NRXN1: variants seen among roughly 807,000 people sequenced by gnomAD.
The protein encoded by NRXN1 is neurexin-1.
Under a neutral mutation model 150.9 loss-of-function variants are expected in NRXN1, and 39 were observed. The ratio of observed to expected loss-of-function variants is 0.26; its 90% CI spans 0.20 to 0.34. NRXN1 has a LOEUF of 0.34. NRXN1 is among the 10% of genes least tolerant of loss of function. The pLI is 1.00. For missense variants in NRXN1, 1,815 were observed against 1,949.9 expected (o/e 0.93, Z 1.30); for synonymous variants, 924 against 757.0 (o/e 1.22, Z -3.62).
intron 5 of NRXN1, among the ~76,000 whole-genome samples, chr2:50,831,903 G>T (rs371246007): frequency 6.6e-6 from 1 of 152,170 alleles, no homozygotes; most frequent in African/African-American, 2.4e-5. Context: ...GAGAAACAGC[G>T]TTCTGAGTGA....
chr2:49,923,395 GATGTA>G (rs1252562858), intron 22 of NRXN1, among the ~76,000 whole-genome samples: 4 of 152,020 alleles, frequency 2.6e-5, no homozygotes, highest in African/African-American at 9.7e-5. Context: ...TTACTTTTCA[GATGTA>G]ATGTATTAAA....
intron 18 of NRXN1, among the ~76,000 whole-genome samples, chr2:50,224,673 AAGAGAGAGAGAGAGGGAGAAAGAGAGAG>A (rs1259189781): frequency 7.1e-6 from 1 of 140,334 alleles, no homozygotes; most frequent in African/African-American, 2.7e-5. Flanking sequence ...CAGAAGATTA[AAGAGAGAGAGAGAGGGAGAAAGAGAGAG>A]AGAGAGAGAG....
intron 18 of NRXN1, among the ~76,000 whole-genome samples, chr2:50,135,560 G>T (rs1167579140): frequency 6.6e-6 from 1 of 152,108 alleles, no homozygotes; most frequent in African/African-American, 2.4e-5. Context: ...GCATGGTGGC[G>T]GGCGCCTGTA....
At chr2:50,359,838 T>G (rs1411573853) in intron 17 of NRXN1, among the ~76,000 whole-genome samples, 1 of 151,856 alleles carries the variant, frequency 6.6e-6, no homozygotes, top group Non-Finnish European at 1.5e-5. Context: ...AAGGAAAAAA[T>G]GTCAAGGGCA....
At chr2:50,295,929 C>T (rs1191974005) in intron 17 of NRXN1, among the ~76,000 whole-genome samples, 1 of 152,122 alleles carries the variant, frequency 6.6e-6, no homozygotes, top group African/African-American at 2.4e-5. Context: ...CAGTAATTTC[C>T]CTAGAATTCA....
At chr2:50,503,563 G>C (rs866133066) in intron 13 of NRXN1, among the ~76,000 whole-genome samples, 1 of 37,036 alleles carries the variant, frequency 2.7e-5, no homozygotes, top group African/African-American at 2.8e-4. Flanking sequence ...TGAAAAGAAA[G>C]AAAAATTAAA....
intron 2 of NRXN1, among the ~76,000 whole-genome samples, chr2:51,013,036 C>A (rs1668124609): frequency 6.6e-6 from 1 of 151,990 alleles, no homozygotes; most frequent in Non-Finnish European, 1.5e-5. Flanking sequence ...GTAAGAGACA[C>A]CACTCGAATA....
chr2:50,846,597 T>C (rs1051159392), intron 5 of NRXN1, among the ~76,000 whole-genome samples: 3 of 152,144 alleles, frequency 2.0e-5, no homozygotes, highest in African/African-American at 7.2e-5. Context: ...TCTAAAGAAA[T>C]AGCATAGACC....
At chr2:51,026,980 C>G (rs149730900) in intron 2 of NRXN1, among the ~76,000 whole-genome samples, 1 of 152,220 alleles carries the variant, frequency 6.6e-6, no homozygotes, top group African/African-American at 2.4e-5. Context: ...CCCTGTCTTT[C>G]TCGTCCTTTA....
At position 50,289,380 on chromosome 2, in the gene NRXN1, C is replaced by T. The variant is rs183008928; in HGVS notation, c.3365-52410G>A. Reference sequence around the variant, plus strand: ...TTACCCCCATAATGGTGAAGTTCCCCTCTAAGTCACTTATGCAAATTTTAG... The same window carrying T: ...TTACCCCCATAATGGTGAAGTTCCCTTCTAAGTCACTTATGCAAATTTTAG... On this transcript the variant is annotated intron_variant, in intron 17 of 22. Coordinates refer to ENST00000401669, the MANE Select transcript of NRXN1 (RefSeq NM_001330078.2). Among the ~76,000 whole-genome samples, 625 of 152,112 alleles carry T rather than the reference C, an allele frequency of 4.1e-3. 4 individuals carry two copies. The highest frequency in any genetic ancestry group is 0.014 in the African/African-American group (592 of 41,510).
Position 50,394,397 on chromosome 2 carries a change from G to T in NRXN1, c.3364+71045C>A, listed in dbSNP as rs77564046. ...GGATAAAAGTCTTGATTTTCCATTC[G>T]CAACAAGTCTTCCGCTAATAACACC... is the stretch of plus-strand genomic sequence containing the variant. On this transcript the variant is annotated intron_variant, in intron 17 of 22. Coordinates refer to ENST00000401669, the MANE Select transcript of NRXN1 (RefSeq NM_001330078.2). 7.6e-3 allele frequency among the ~76,000 whole-genome samples: 1,161 copies of T among 152,112 alleles called. 17 individuals carry two copies. Among genetic ancestry groups the T allele is most frequent in the Admixed American group, 0.023 (344 of 15,264 alleles).
chr2:50,931,963 G>C (rs2104399705), intron 2 of NRXN1, among the ~76,000 whole-genome samples: 1 of 151,974 alleles, frequency 6.6e-6, no homozygotes, highest in African/African-American at 2.4e-5. Flanking sequence ...CTGGGTTCAA[G>C]CAATTCTCCT....
At chr2:50,100,310 G>T (rs1400196295) in intron 18 of NRXN1, among the ~76,000 whole-genome samples, 2 of 151,982 alleles carry the variant, frequency 1.3e-5, no homozygotes, top group East Asian at 3.9e-4. Flanking sequence ...GGATTTAGTG[G>T]TCGTAAAGTG....
chr2:50,346,908 C>G lies in NRXN1; in HGVS notation c.3365-109938G>C. ...CGCCGCCGCCGCCGCCGCCCCCGGG[C>G]GAGCCCAGCTCGGCGCCGCACCGGA... On this transcript the variant is annotated intron_variant, in intron 17 of 22. Coordinates refer to ENST00000401669, the MANE Select transcript of NRXN1 (RefSeq NM_001330078.2). The surrounding 1 kb of genome is among the most constrained non-coding windows in gnomAD (Gnocchi z 5.0). 1 of 1,297,398 alleles carries G rather than the reference C, an allele frequency of 7.7e-7. No homozygotes were observed. The highest frequency in any genetic ancestry group is 2.4e-5 in the South Asian group (1 of 42,520). 80.4% of individuals were successfully genotyped at this position (1,297,398 alleles called of 1,614,324 possible).
At chr2:50,630,016 T>A (rs939342835) in intron 5 of NRXN1, among the ~76,000 whole-genome samples, 1 of 151,608 alleles carries the variant, frequency 6.6e-6, no homozygotes, top group Non-Finnish European at 1.5e-5. Flanking sequence ...ATTTGAAGCA[T>A]CTTTCCAATA....
At chr2:50,323,478 T>G (rs1482274428) in intron 17 of NRXN1, among the ~76,000 whole-genome samples, 1 of 151,876 alleles carries the variant, frequency 6.6e-6, no homozygotes, top group Non-Finnish European at 1.5e-5. Flanking sequence ...CAATACATAT[T>G]TCTGAATGAA....
intron 2 of NRXN1, among the ~76,000 whole-genome samples, chr2:51,007,293 A>G (rs1449921085): frequency 6.6e-6 from 1 of 151,990 alleles, no homozygotes; most frequent in Non-Finnish European, 1.5e-5. Context: ...ATTATTGTCC[A>G]AAGAAAAATT....
chr2:50,158,536 T>C (rs2059165014), intron 18 of NRXN1, among the ~76,000 whole-genome samples: 1 of 152,108 alleles, frequency 6.6e-6, no homozygotes, highest in African/African-American at 2.4e-5. Flanking sequence ...TCTTGATTTT[T>C]CTTACAAAGC....
At chr2:50,775,903 T>A (rs1470052141) in intron 5 of NRXN1, among the ~76,000 whole-genome samples, 2 of 152,120 alleles carry the variant, frequency 1.3e-5, no homozygotes, top group Admixed American at 1.3e-4. Context: ...TCTCTAAGCA[T>A]GCATTTATGT....
Sources: gnomAD v4.1 joint callset for allele counts (sites outside exome capture counted in the v4.1 genomes callset) on GRCh38, gnomAD v4.1.1 for gene constraint, Gnocchi (gnomAD v3.1) non-coding constraint, MANE v1.5 for transcripts, NCBI Gene and HGNC (gene_info 2026-07-23, HGNC 2026-07-21) for gene names.